Variants in DNAJC11 observed in about 807,000 individuals in gnomAD.
DNAJC11 encodes the protein dnaJ homolog subfamily C member 11.
Under a neutral mutation model 78.6 loss-of-function variants are expected in DNAJC11, and 15 were observed. The observed-to-expected ratio is 0.19, with a 90% CI of 0.13 to 0.29. The LOEUF (loss-of-function observed/expected upper bound fraction) is 0.29. DNAJC11 is among the 10% of genes least tolerant of loss of function. DNAJC11 has a pLI of 1.00. For missense variants in DNAJC11, 547 were observed against 709.6 expected (o/e 0.77, Z 2.60); for synonymous variants, 292 against 272.1 (o/e 1.07, Z -0.72).
rs145773857 is a variant in DNAJC11, at chr1:6,639,044, C to T, written c.1254-680G>A. Among the ~76,000 whole-genome samples, 64 of 152,296 alleles carry T rather than the reference C, an allele frequency of 4.2e-4. No individual in the cohort carries two copies. In the East Asian group the frequency reaches 0.012, roughly 28 times the overall value. On this transcript the variant is annotated intron_variant, in intron 11 of 15. Transcript: ENST00000377577. ...GAGATTCATTCCTTTATCTGAGATT[C>T]TCTAAGTGCAATGCTTTACTAAATG...
chr1:6,689,997 T>C (rs1279115247), intron 1 of DNAJC11, among the ~76,000 whole-genome samples: 1 of 152,126 alleles, frequency 6.6e-6, no homozygotes, highest in African/African-American at 2.4e-5. Flanking sequence ...CAAAACGCCT[T>C]GAGGTTGGTA....
intron 4 of DNAJC11, among the ~76,000 whole-genome samples, chr1:6,667,131 G>A (rs1413508845): frequency 2.6e-5 from 4 of 152,232 alleles, no homozygotes; most frequent in African/African-American, 7.2e-5. Context: ...CTCCATCGGT[G>A]ATCTGGGACA....
At chr1:6,670,432 A>G (rs1642362372) in intron 3 of DNAJC11, 1 of 152,132 alleles carries the variant, frequency 6.6e-6, no homozygotes, top group Non-Finnish European at 1.5e-5. Flanking sequence ...ACACATACAC[A>G]CATTCAATAT....
Position 6,653,898 on chromosome 1 carries a change from T to C in DNAJC11, c.507+13A>G, listed in dbSNP as rs756927845. 76 of 1,611,118 alleles carry C rather than the reference T, an allele frequency of 4.7e-5. No homozygotes were observed. Among genetic ancestry groups the C allele is most frequent in the Non-Finnish European group, 6.1e-5 (72 of 1,177,826 alleles). On this transcript the variant is annotated intron_variant, in intron 5 of 15. Transcript: ENST00000377577. This position sits in a 1 kb window ranked among gnomAD's most constrained non-coding sequence, Gnocchi z 4.5. ...GCCCTTGCTGTACTCGGAGAGGTGG[T>C]TGTGTGCTTTACCTCAATGGACTGG...
intron 4 of DNAJC11, among the ~76,000 whole-genome samples, chr1:6,663,971 G>C (rs940163355): frequency 1.3e-5 from 2 of 152,162 alleles, no homozygotes; most frequent in Non-Finnish European, 2.9e-5. Flanking sequence ...TGGACACCAA[G>C]TCCAAGGCTC....
intron 1 of DNAJC11, among the ~76,000 whole-genome samples, chr1:6,695,054 G>A (rs1380490185): frequency 2.0e-5 from 3 of 151,246 alleles, no homozygotes; most frequent in East Asian, 1.9e-4. Flanking sequence ...GCTGAGGCAG[G>A]AGAATGGCGT....
In DNAJC11 at chr1:6,656,586, T is replaced by C. The variant is rs908249262; in HGVS notation, c.379-2547A>G. Reference sequence around the variant, plus strand: ...TACAGAGATGAATCAATTAAATGTGTCAAAAATTTCAGCTGAGTGCTGTGG... The same window carrying C: ...TACAGAGATGAATCAATTAAATGTGCCAAAAATTTCAGCTGAGTGCTGTGG... On this transcript the variant is annotated intron_variant, in intron 4 of 15. Coordinates refer to ENST00000377577, the MANE Select transcript of DNAJC11 (RefSeq NM_018198.4). Among the ~76,000 whole-genome samples the C allele has an allele frequency of 2.6e-4, 40 of 151,946 alleles. 1 individual carries two copies. Among genetic ancestry groups the C allele is most frequent in the African/African-American group, 9.6e-4 (40 of 41,462 alleles).
At chr1:6,659,519 GGAGGCCGCGGCGGGTGGATCACCTGA>G (rs1294363845) in intron 4 of DNAJC11, among the ~76,000 whole-genome samples, 2 of 152,146 alleles carry the variant, frequency 1.3e-5, no homozygotes, top group Non-Finnish European at 2.9e-5. Flanking sequence ...CAGCGCTCTG[GGAGGCCGCGGCGGGTGGATCACCTGA>G]GGTCAGGAGT....
At chr1:6,667,650 G>A in intron 4 of DNAJC11, 59 bp downstream of exon 4, 2 of 1,395,974 alleles carry the variant, frequency 1.4e-6, no homozygotes, top group South Asian at 1.2e-5. Context: ...TTCAGACCTG[G>A]CTTCTAGTTA....
At chr1:6,655,164 T>C (rs948170501) in intron 4 of DNAJC11, among the ~76,000 whole-genome samples, 1 of 152,214 alleles carries the variant, frequency 6.6e-6, no homozygotes, top group African/African-American at 2.4e-5. Flanking sequence ...TTGATTTCTG[T>C]TGAGGGTGAA....
intron 7 of DNAJC11, among the ~76,000 whole-genome samples, chr1:6,648,715 T>TA (rs1642005531): frequency 6.6e-6 from 1 of 151,600 alleles, no homozygotes; most frequent in Non-Finnish European, 1.5e-5. Context: ...CCTGGCCTCC[T>TA]AAAGTGCTGG....
At position 6,645,107 on chromosome 1, in the gene DNAJC11, A is replaced by C. The variant is rs778753211; in HGVS notation, c.914T>G (p.Phe305Cys). ...TTTGTGCTGATAGCTGATCAGTGCA[A>C]AGGAGTGAGGGATTCCCAGCTGGGG... is the stretch of plus-strand genomic sequence containing the variant. ...VALQLGIPHS[F>C]ALISYQHKFQ... The change falls in exon 9 of 16, where the codon TTT (phenylalanine) becomes TGT (cysteine). Residue 305 changes from phenylalanine to cysteine, a missense_variant. By Grantham distance (205) the Phe-to-Cys change is radical (BLOSUM62 -2). Coordinates refer to ENST00000377577, the MANE Select transcript of DNAJC11 (RefSeq NM_018198.4). This position sits in a 1 kb window ranked among gnomAD's most constrained non-coding sequence, Gnocchi z 4.1. 6.2e-7 allele frequency: 1 copy of C among 1,613,266 alleles called. No homozygotes were observed. The highest frequency in any genetic ancestry group is 8.5e-7 in the Non-Finnish European group (1 of 1,179,454).
At chr1:6,654,071 G>A (rs1248161077) in intron 4 of DNAJC11, 32 bp from the exon 5 acceptor site, 22 of 1,606,944 alleles carry the variant, frequency 1.4e-5, no homozygotes, top group Non-Finnish European at 1.8e-5. Context: ...TCAGCAGAAC[G>A]GGTGGTATTT....
At chr1:6,682,503 G>A (rs1642570378) in intron 1 of DNAJC11, among the ~76,000 whole-genome samples, 1 of 152,170 alleles carries the variant, frequency 6.6e-6, no homozygotes, top group Admixed American at 6.5e-5. Flanking sequence ...CTGGGGCCCG[G>A]GTTCTGCTCC....
chr1:6,637,602 A>G, intron 12 of DNAJC11, 98 bp from the exon 13 acceptor site: 1 of 1,380,570 alleles, frequency 7.2e-7, no homozygotes. Context: ...ACGTCAACAT[A>G]CTTGCTCAGG....
At chr1:6,681,213 T>A (rs1642546475) in intron 1 of DNAJC11, among the ~76,000 whole-genome samples, 176 bp from the exon 2 acceptor site, 1 of 152,198 alleles carries the variant, frequency 6.6e-6, no homozygotes, top group South Asian at 2.1e-4. Context: ...TGCCAGTTAA[T>A]AAAGTGATCA....
rs774369671 is a variant in DNAJC11, at chr1:6,651,564, G to T, written c.669C>A (p.Phe223Leu). The T allele has an allele frequency of 1.0e-4, 165 of 1,613,942 alleles. No individual in the cohort carries two copies. Among genetic ancestry groups the T allele is most frequent in the Non-Finnish European group, 1.2e-4 (137 of 1,179,974 alleles). Residue 223 changes from phenylalanine to leucine, a missense_variant, in exon 7 of 16, where the codon TTC becomes TTA. Coordinates refer to ENST00000377577, the MANE Select transcript of DNAJC11 (RefSeq NM_018198.4). ...TGAGATTACGGAACAGCTTGAGACC[G>T]AACAAAGGCCCCTGTAGGTCTCCAG... Reference protein sequence around the residue: ...FGAGDLQGPLFGLKLFRNLTP... With the variant: ...FGAGDLQGPLLGLKLFRNLTP...
chr1:6,667,457 A>T (rs1642309986), intron 4 of DNAJC11, among the ~76,000 whole-genome samples: 1 of 152,072 alleles, frequency 6.6e-6, no homozygotes, highest in Non-Finnish European at 1.5e-5. Flanking sequence ...TCTGGAAAAA[A>T]CAGGGGACTG....
chr1:6,644,519 C>G (rs1428997386), intron 10 of DNAJC11, 39 bp downstream of exon 10: 1 of 1,376,638 alleles, frequency 7.3e-7, no homozygotes, highest in Admixed American at 1.7e-5. Flanking sequence ...GTGAAGGTGA[C>G]AGGCATTCCT....
Sources: allele counts gnomAD v4.1 joint callset (sites outside exome capture counted in the v4.1 genomes callset), GRCh38; gene constraint gnomAD v4.1.1; non-coding constraint Gnocchi (gnomAD v3.1); transcripts MANE v1.5; gene names NCBI Gene and HGNC (gene_info 2026-07-23, HGNC 2026-07-21).